CLEC16A: variants seen among roughly 807,000 people sequenced by gnomAD.
CLEC16A encodes the protein C-type lectin domain containing 16A.
Under a neutral mutation model 109.5 loss-of-function variants are expected in CLEC16A, and 51 were observed. That is an observed-to-expected ratio of 0.47 (90% CI 0.37 to 0.59). The LOEUF is 0.59. Among genes scored for constraint, CLEC16A ranks in the 20% least tolerant of loss-of-function variants. The probability of loss-of-function intolerance (pLI) is 0.00; values close to 1 mark genes in which losing one functional copy is unlikely to be tolerated. For synonymous variants in CLEC16A, 673 were observed against 564.2 expected (o/e 1.19, Z -2.73); for missense variants, 1,339 against 1,394.0 (o/e 0.96, Z 0.63).
chr16:11,098,150 G>T lies in CLEC16A; in HGVS notation c.2117-22465G>T, dbSNP rs569123359. ...CATGCAGTAGAGTTTGGGAGCCACCGCTCTAGGGATTAACCGAGGCCTCTG... is the reference window on the plus strand; with the variant it reads ...CATGCAGTAGAGTTTGGGAGCCACCTCTCTAGGGATTAACCGAGGCCTCTG... On this transcript the variant is annotated intron_variant, in intron 19 of 23. Transcript: ENST00000409790. 2.6e-5 allele frequency among the ~76,000 whole-genome samples: 4 copies of T among 152,244 alleles called. No homozygotes were observed. The South Asian group carries it at 8.3e-4, about 31-fold the overall frequency.
At chr16:11,118,540 C>T (rs954124064) in intron 19 of CLEC16A, among the ~76,000 whole-genome samples, 2 of 152,192 alleles carry the variant, frequency 1.3e-5, no homozygotes, top group African/African-American at 2.4e-5. Context: ...TCTTGCTTTA[C>T]TGTCTTTACT....
chr16:10,948,104 A>C (rs113453430), intron 1 of CLEC16A, among the ~76,000 whole-genome samples: 2 of 152,132 alleles, frequency 1.3e-5, no homozygotes, highest in Admixed American at 1.3e-4. Context: ...CGTGTTAGCC[A>C]GGATGGTCTC....
intron 13 of CLEC16A, among the ~76,000 whole-genome samples, chr16:11,025,849 C>T (rs1485021464): frequency 2.6e-5 from 4 of 152,158 alleles, no homozygotes; most frequent in Non-Finnish European, 4.4e-5. Context: ...CCCAGCTCTC[C>T]TCTTCAAAGG....
chr16:10,984,438 A>T (rs1205560991), intron 10 of CLEC16A, among the ~76,000 whole-genome samples: 1 of 152,210 alleles, frequency 6.6e-6, no homozygotes, highest in Non-Finnish European at 1.5e-5. Context: ...GCCAAGTATC[A>T]TGCTAGTTCT....
intron 11 of CLEC16A, among the ~76,000 whole-genome samples, chr16:11,003,970 CAAAA>C (rs962482634): frequency 5.2e-5 from 3 of 57,990 alleles, no homozygotes; most frequent in Non-Finnish European, 3.9e-5. Context: ...CCTGTCTCTA[CAAAA>C]AAAAAAAAAA....
At chr16:10,955,205 G>A (rs2041930515) in intron 1 of CLEC16A, among the ~76,000 whole-genome samples, 1 of 152,248 alleles carries the variant, frequency 6.6e-6, no homozygotes, top group African/African-American at 2.4e-5. Context: ...CACTTGCCGT[G>A]TCTGGCGTTT....
chr16:10,969,298 T>G lies in CLEC16A; in HGVS notation c.481T>G (p.Phe161Val), dbSNP rs771547641. ...ACTCAACAACCACACTGTCCATTTC[T>G]TTTATAATGAGGTAAGTAATTGCCA... is the stretch of plus-strand genomic sequence containing the variant. ...LKLNNHTVHF[F>V]YNEHTNDFAL... Residue 161 changes from phenylalanine (F) to valine (V), a missense_variant, in exon 4 of 24, where the codon TTT becomes GTT. Transcript: ENST00000409790. 6.2e-7 allele frequency: 1 copy of G among 1,608,652 alleles called. No homozygotes were observed. The highest frequency in any genetic ancestry group is 1.1e-5 in the South Asian group (1 of 90,092).
chr16:11,039,826 A>C lies in CLEC16A; in HGVS notation c.1610A>C (p.His537Pro). 1 of 1,611,876 alleles carries C rather than the reference A, an allele frequency of 6.2e-7. No homozygotes were observed. The highest frequency in any genetic ancestry group is 1.7e-5 in the Admixed American group (1 of 59,792). The change falls in exon 14 of 24, where the codon CAC (histidine) becomes CCC (proline). Residue 537 changes from histidine to proline, a missense_variant. Physicochemically the swap from His to Pro is moderately conservative, Grantham distance 77. Coordinates refer to ENST00000409790, the MANE Select transcript of CLEC16A (RefSeq NM_015226.3). ...GCGGCCGAGAAGACCACCTACAACCACCCGCTAGCTGAAAGACTCATCAGG... is the reference window on the plus strand; with the variant it reads ...GCGGCCGAGAAGACCACCTACAACCCCCCGCTAGCTGAAAGACTCATCAGG... ...PNAAEKTTYNHPLAERLIRIM... is the reference protein window; with the variant it reads ...PNAAEKTTYNPPLAERLIRIM...
At chr16:11,026,455 T>A (rs964792140) in intron 13 of CLEC16A, among the ~76,000 whole-genome samples, 6 of 152,200 alleles carry the variant, frequency 3.9e-5, no homozygotes, top group Admixed American at 3.9e-4. Flanking sequence ...ACTTTATGTT[T>A]TTCCTTTATT....
At chr16:11,167,581 T>G (rs747847399) in intron 23 of CLEC16A, among the ~76,000 whole-genome samples, 1 of 152,184 alleles carries the variant, frequency 6.6e-6, no homozygotes, top group African/African-American at 2.4e-5. Flanking sequence ...TCTTGGGCAC[T>G]TCCAGCTTTT....
chr16:11,156,677 C>T (rs1567402403), intron 22 of CLEC16A: 3 of 1,303,982 alleles, frequency 2.3e-6, no homozygotes, highest in South Asian at 2.5e-5. Context: ...TGCTAATTTA[C>T]AGACGGTAAT....
intron 1 of CLEC16A, among the ~76,000 whole-genome samples, chr16:10,949,295 C>G (rs1434066586): frequency 6.6e-6 from 1 of 152,068 alleles, no homozygotes; most frequent in Non-Finnish European, 1.5e-5. Context: ...ATTATGGGTC[C>G]TAGGCTCCCA....
intron 11 of CLEC16A, among the ~76,000 whole-genome samples, chr16:11,015,727 C>T (rs1567197979): frequency 6.6e-6 from 1 of 152,238 alleles, no homozygotes; most frequent in African/African-American, 2.4e-5. Context: ...CGAGATTAAG[C>T]CAGAAAGGGG....
chr16:11,118,241 A>G (rs977870537), intron 19 of CLEC16A, among the ~76,000 whole-genome samples: 23 of 152,064 alleles, frequency 1.5e-4, no homozygotes, highest in African/African-American at 5.6e-4. Context: ...GGCACAAACC[A>G]CTGCACCCAG....
At chr16:11,044,147 C>A in intron 16 of CLEC16A, 75 bp downstream of exon 16, 1 of 1,291,298 alleles carries the variant, frequency 7.7e-7, no homozygotes, top group Non-Finnish European at 1.1e-6. Context: ...TGGTTCTATG[C>A]AGATAAACGT....
At chr16:11,129,199 G>C (rs563956613) in intron 22 of CLEC16A, among the ~76,000 whole-genome samples, 105 of 152,194 alleles carry the variant, frequency 6.9e-4, no homozygotes, top group African/African-American at 2.4e-3. Context: ...AACTTAAAGA[G>C]CTTTCATTTA....
At chr16:11,162,257 C>T (rs1352204004) in intron 22 of CLEC16A, among the ~76,000 whole-genome samples, 2 of 152,158 alleles carry the variant, frequency 1.3e-5, no homozygotes, top group Non-Finnish European at 2.9e-5. Flanking sequence ...GGATGTGTCT[C>T]ACCATGGGCA....
rs77193958 is a variant in CLEC16A, at chr16:11,117,785, C to T, written c.2117-2830C>T. Among the ~76,000 whole-genome samples, 256 of 152,252 alleles carry T rather than the reference C, an allele frequency of 1.7e-3. 1 individual carries two copies. The highest frequency in any genetic ancestry group is 5.9e-3 in the African/African-American group (246 of 41,552). On this transcript the variant is annotated intron_variant, in intron 19 of 23. Transcript: ENST00000409790. ...GCATCTGGTGGGAAAAAATTGCACT[C>T]AAATAGTTCTCCTGTTTGGGGACAT...
chr16:11,041,590 A>G (rs925602200), intron 14 of CLEC16A: 8 of 152,316 alleles, frequency 5.3e-5, no homozygotes, highest in African/African-American at 9.6e-5. Context: ...TAGTTGGAAG[A>G]GAGATCTCGA....
Sources: allele counts gnomAD v4.1 joint callset (sites outside exome capture counted in the v4.1 genomes callset), GRCh38; gene constraint gnomAD v4.1.1; transcripts MANE v1.5; gene names NCBI Gene and HGNC (gene_info 2026-07-23, HGNC 2026-07-21).